SLC22A3: variants seen among roughly 807,000 people sequenced by gnomAD.
SLC22A3 encodes the protein solute carrier family 22 member 3.
SLC22A3 carries 51 observed loss-of-function variants against 59.1 expected under a neutral mutation model. That is an observed-to-expected ratio of 0.86 (90% confidence interval 0.69 to 1.09). The LOEUF is 1.09. SLC22A3 is among the 50% of genes least tolerant of loss of function. The probability of loss-of-function intolerance (pLI) is 0.00; values close to 1 mark genes in which losing one functional copy is unlikely to be tolerated. For missense variants in SLC22A3, 711 were observed against 726.3 expected (o/e 0.98, Z 0.24); for synonymous variants, 325 against 292.0 (o/e 1.11, Z -1.15).
chr6:160,397,010 TAAAG>T (rs1489516699), intron 1 of SLC22A3, among the ~76,000 whole-genome samples: 1 of 152,202 alleles, frequency 6.6e-6, no homozygotes. Context: ...TTCAGACTAT[TAAAG>T]AACAGTCTGT....
intron 9 of SLC22A3, among the ~76,000 whole-genome samples, chr6:160,445,251 G>C (rs1416824831): frequency 6.6e-6 from 1 of 152,186 alleles, no homozygotes; most frequent in African/African-American, 2.4e-5. Context: ...AGGCCAAGAG[G>C]GGCTGGCTGT....
At chr6:160,394,209 C>A (rs573699148) in intron 1 of SLC22A3, among the ~76,000 whole-genome samples, 7 of 152,334 alleles carry the variant, frequency 4.6e-5, no homozygotes, top group African/African-American at 1.7e-4. Flanking sequence ...AAATGTGCGT[C>A]ATTGATTCAG....
Position 160,451,147 on chromosome 6 carries a change from G to C in SLC22A3, c.*91G>C, listed in dbSNP as rs951011183. The C allele has an allele frequency of 8.8e-7, 1 of 1,140,440 alleles. No individual in the cohort carries two copies. The highest frequency in any genetic ancestry group is 2.5e-5 in the East Asian group (1 of 39,320). 70.6% of individuals were successfully genotyped at this position (1,140,440 alleles called of 1,614,324 possible). On this transcript the variant is annotated 3_prime_UTR_variant, in exon 11 of 11. Coordinates refer to ENST00000275300, the MANE Select transcript of SLC22A3 (RefSeq NM_021977.4). ...TGCAGAGATGCACGTGTGCATTTCAGCTACATCATGCCGCGCTGTTGTAAT... is the reference window on the plus strand; with the variant it reads ...TGCAGAGATGCACGTGTGCATTTCACCTACATCATGCCGCGCTGTTGTAAT...
intron 9 of SLC22A3, among the ~76,000 whole-genome samples, chr6:160,447,302 G>A (rs1788781278): frequency 6.6e-6 from 1 of 152,202 alleles, no homozygotes; most frequent in Non-Finnish European, 1.5e-5. Flanking sequence ...ACCAGGACAA[G>A]CTTTCCACTG....
chr6:160,444,238 A>G (rs1428621822), intron 9 of SLC22A3, among the ~76,000 whole-genome samples: 1 of 152,126 alleles, frequency 6.6e-6, no homozygotes, highest in Admixed American at 6.5e-5. Context: ...GTGGTGATCC[A>G]TGGGTGCCTG....
chr6:160,369,908 G>C (rs1258511223), intron 1 of SLC22A3, among the ~76,000 whole-genome samples: 2 of 152,218 alleles, frequency 1.3e-5, no homozygotes, highest in Admixed American at 6.5e-5. Context: ...AGATAGGAAG[G>C]CTTAGAGGTT....
intron 1 of SLC22A3, among the ~76,000 whole-genome samples, chr6:160,366,167 A>G (rs535352894): frequency 5.9e-5 from 9 of 152,220 alleles, no homozygotes; most frequent in Admixed American, 2.0e-4. Flanking sequence ...CAGTCCCCCA[A>G]ATTCTTAACT....
chr6:160,402,320 A>C (rs969191574), intron 2 of SLC22A3, among the ~76,000 whole-genome samples: 3 of 151,960 alleles, frequency 2.0e-5, no homozygotes, highest in African/African-American at 7.2e-5. Flanking sequence ...CAAAGGGGTC[A>C]ATTCTCCAAG....
At chr6:160,409,033 T>TTTA in intron 4 of SLC22A3, 112 bp downstream of exon 4, 2 of 843,018 alleles carry the variant, frequency 2.4e-6, no homozygotes, top group Non-Finnish European at 3.5e-6. Flanking sequence ...TTTTTTTTTT[T>TTTA]ATTATACTCT....
At chr6:160,395,373 C>T (rs947820048) in intron 1 of SLC22A3, among the ~76,000 whole-genome samples, 2 of 152,202 alleles carry the variant, frequency 1.3e-5, no homozygotes, top group African/African-American at 4.8e-5. Context: ...CTCCTGTTTG[C>T]CTCTGCTAGC....
At chr6:160,426,194 G>T (rs902443968) in intron 5 of SLC22A3, 1 of 985,386 alleles carries the variant, frequency 1.0e-6, no homozygotes. Context: ...ATACTTCTCA[G>T]CATTTTCAAA....
At chr6:160,397,153 C>T (rs984746359) in intron 1 of SLC22A3, among the ~76,000 whole-genome samples, 4 of 152,006 alleles carry the variant, frequency 2.6e-5, no homozygotes, top group Non-Finnish European at 4.4e-5. Flanking sequence ...GGGGGCTGTT[C>T]GGGGAGATGG....
At chr6:160,366,800 G>C (rs1049327262) in intron 1 of SLC22A3, among the ~76,000 whole-genome samples, 8 of 152,034 alleles carry the variant, frequency 5.3e-5, no homozygotes, top group African/African-American at 1.9e-4. Flanking sequence ...CAATGCTTAG[G>C]GCTGAGACCT....
At chr6:160,405,453 G>A (rs1450327165) in intron 2 of SLC22A3, among the ~76,000 whole-genome samples, 1 of 152,092 alleles carries the variant, frequency 6.6e-6, no homozygotes, top group Non-Finnish European at 1.5e-5. Flanking sequence ...ATTCATTGCT[G>A]GTGAGAATGC....
In SLC22A3 at chr6:160,348,599, C is replaced by T. The variant is rs1398002451; in HGVS notation, c.180C>T (p.Ala60=). The change falls in exon 1 of 11, where the codon GCC becomes GCT. Residue 60 remains alanine, a synonymous_variant. Coordinates refer to ENST00000275300, the MANE Select transcript of SLC22A3 (RefSeq NM_021977.4). ...GCGGGCCAAGTGCCGCGGCGCTGGC[C>T]GAGCGCTGCGGCTGGAGCCCGGAGG... ...WCRGPSAAAL[A]ERCGWSPEEE... is the part of the protein sequence containing the mutation. 6.6e-7 allele frequency: 1 copy of T among 1,513,050 alleles called. No homozygotes were observed. Among genetic ancestry groups the T allele is most frequent in the African/African-American group, 1.4e-5 (1 of 69,566 alleles). The allele number at this position is 1,513,050 out of a possible 1,614,324, so 93.7% of individuals were successfully genotyped here.
chr6:160,406,266 A>C (rs1467384784), intron 2 of SLC22A3, among the ~76,000 whole-genome samples: 2 of 152,190 alleles, frequency 1.3e-5, no homozygotes, highest in African/African-American at 4.8e-5. Context: ...CTATATGTAC[A>C]TATTTTATGG....
At position 160,436,692 on chromosome 6, in the gene SLC22A3, C is replaced by T. The variant is rs114344900; in HGVS notation, c.976-88C>T. The T allele has an allele frequency of 2.1e-3, 1,682 of 809,650 alleles. 18 individuals carry two copies. In the African/African-American group the frequency reaches 0.026, roughly 12 times the overall value. 50.2% of individuals were successfully genotyped at this position (809,650 alleles called of 1,614,324 possible). ...AAGCCCCTAGTCACTTCAGTAAGATCATTTGATTCTGGTTAATGACAAGTC... is the reference window on the plus strand; with the variant it reads ...AAGCCCCTAGTCACTTCAGTAAGATTATTTGATTCTGGTTAATGACAAGTC... On this transcript the variant is annotated intron_variant, in intron 5 of 10. Transcript: ENST00000275300.
intron 1 of SLC22A3, among the ~76,000 whole-genome samples, chr6:160,396,860 A>G (rs1227820256): frequency 6.6e-6 from 1 of 152,210 alleles, no homozygotes; most frequent in African/African-American, 2.4e-5. Context: ...TTAAATGTCA[A>G]TTTATATATG....
chr6:160,383,620 A>T (rs1043919720), intron 1 of SLC22A3, among the ~76,000 whole-genome samples: 2 of 152,234 alleles, frequency 1.3e-5, no homozygotes, highest in African/African-American at 4.8e-5. Context: ...TACAAAAAGA[A>T]ATGGATAAAA....
Sources: gnomAD v4.1 joint callset for allele counts (sites outside exome capture counted in the v4.1 genomes callset) on GRCh38, gnomAD v4.1.1 for gene constraint, MANE v1.5 for transcripts, NCBI Gene and HGNC (gene_info 2026-07-23, HGNC 2026-07-21) for gene names.